Variants in DDR2 observed in about 807,000 individuals in gnomAD.
DDR2 encodes the protein discoidin domain receptor tyrosine kinase 2.
In DDR2, 27 loss-of-function variants were observed where a neutral mutation model predicts 94.9. The observed-to-expected ratio is 0.28, with a 90% CI of 0.21 to 0.39. DDR2 has a LOEUF of 0.39. Ranked by LOEUF, DDR2 falls within the 10% of genes least tolerant of loss-of-function variation. The pLI is 1.00. For synonymous variants in DDR2, 382 were observed against 377.2 expected, an observed-to-expected ratio of 1.01 and a Z score of -0.15; for missense variants, 783 against 1,076.0, an observed-to-expected ratio of 0.73 and a Z score of 3.81.
At position 162,786,476 on chromosome 1, in the gene DDR2, G is replaced by A. The variant is rs1011032997; in HGVS notation, c.*6230G>A. ...ATTTCTCTGTATTAGAAAAAGAAAC[G>A]TGATACCAATTGTATATTTTCTTTT... On this transcript the variant is annotated 3_prime_UTR_variant, in exon 18 of 18. Coordinates refer to ENST00000367921, the MANE Select transcript of DDR2 (RefSeq NM_006182.4). The A allele has an allele frequency of 1.1e-4, 16 of 152,208 alleles. No individual in the cohort carries two copies. The highest frequency in any genetic ancestry group is 1.5e-4 in the Non-Finnish European group (10 of 68,038). 9.4% of individuals were successfully genotyped at this position (152,208 alleles called of 1,614,324 possible). A position where few individuals can be genotyped will look rare whatever the true frequency, so the allele number is the denominator to read the frequency against.
chr1:162,650,267 C>A (rs1459616192), intron 1 of DDR2, among the ~76,000 whole-genome samples: 3 of 137,872 alleles, frequency 2.2e-5, no homozygotes, highest in African/African-American at 8.1e-5. Flanking sequence ...TCTCCCCTTA[C>A]AAACCAATTC....
intron 1 of DDR2, among the ~76,000 whole-genome samples, chr1:162,633,273 G>C (rs1054733499): frequency 1.3e-5 from 2 of 152,120 alleles, no homozygotes; most frequent in African/African-American, 2.4e-5. Flanking sequence ...GGAATGACTG[G>C]GGCTGTTTTC....
intron 2 of DDR2, among the ~76,000 whole-genome samples, chr1:162,679,921 G>A (rs1292805304): frequency 1.3e-5 from 2 of 152,046 alleles, no homozygotes; most frequent in East Asian, 1.9e-4. Flanking sequence ...CCTGTTGGCC[G>A]CATGTACGTC....
chr1:162,701,142 C>T (rs4575061), intron 2 of DDR2, among the ~76,000 whole-genome samples: 6,184 of 151,556 alleles, frequency 0.041, 163 homozygotes, highest in South Asian at 0.073. Context: ...TATAGCTGAC[C>T]GTAGTAGATA....
At chr1:162,725,571 G>T (rs1661622123) in intron 3 of DDR2, among the ~76,000 whole-genome samples, 1 of 151,984 alleles carries the variant, frequency 6.6e-6, no homozygotes, top group Non-Finnish European at 1.5e-5. Flanking sequence ...TAGAGAAGGG[G>T]TTTTGCCATG....
At chr1:162,741,713 G>T in intron 3 of DDR2, 1 of 985,364 alleles carries the variant, frequency 1.0e-6, no homozygotes. Context: ...GTCACAAAGG[G>T]TAAGTGAAGT....
At position 162,732,711 on chromosome 1, in the gene DDR2, C is replaced by G. The variant is rs140963562; in HGVS notation, c.82+13566C>G. Among the ~76,000 whole-genome samples, 46 of 152,384 alleles carry G rather than the reference C, an allele frequency of 3.0e-4. No individual in the cohort carries two copies. The East Asian group carries it at 8.7e-3, about 29-fold the overall frequency. On this transcript the variant is annotated intron_variant, in intron 3 of 17. Coordinates refer to ENST00000367921, the MANE Select transcript of DDR2 (RefSeq NM_006182.4). ...GCCCAGAGAGGCCCAGGTGTCAGGT[C>G]TCTGCACCTCAGGCCTCATGTGGGC... is the stretch of plus-strand genomic sequence containing the variant.
chr1:162,711,662 T>C (rs974500866), intron 2 of DDR2, among the ~76,000 whole-genome samples: 1 of 152,224 alleles, frequency 6.6e-6, no homozygotes, highest in Non-Finnish European at 1.5e-5. Context: ...TTCCATATTA[T>C]CACTGGGGTG....
chr1:162,721,309 A>AT (rs902278998), intron 3 of DDR2, among the ~76,000 whole-genome samples: 2 of 151,746 alleles, frequency 1.3e-5, no homozygotes, highest in African/African-American at 4.8e-5. Context: ...AGTCATCTTA[A>AT]TTTTTTTTTC....
rs1647718253 is a variant in DDR2 at position 162,778,583 on chromosome 1, A to G, written c.2287A>G (p.Lys763Glu). 6.2e-7 allele frequency: 1 copy of G among 1,613,872 alleles called. No homozygotes were observed. The highest frequency in any genetic ancestry group is 8.5e-7 in the Non-Finnish European group (1 of 1,179,886). The change falls in exon 17 of 18, where the codon AAG becomes GAG. Residue 763 changes from lysine to glutamate, a missense_variant. Transcript: ENST00000367921. Reference sequence around the variant, plus strand: ...ATTCTTTTCTTTACTTAAATAGGGCAAGTTCACTACAGCAAGTGATGTGTG... The same window carrying G: ...ATTCTTTTCTTTACTTAAATAGGGCGAGTTCACTACAGCAAGTGATGTGTG... ...WMSWESILLG[K>E]FTTASDVWAF...
chr1:162,765,995 T>C lies in DDR2; in HGVS notation c.1100-6T>C, dbSNP rs375491890. On this transcript the variant is annotated splice_region_variant and splice_polypyrimidine_tract_variant and intron_variant, in intron 9 of 17. Transcript: ENST00000367921. ...CTGGCTCTGACTCACCCTTGTTTTA[T>C]AACAGATGCTGCAATGTACAACAAC... 2.2e-5 allele frequency: 36 copies of C among 1,613,926 alleles called. 1 individual carries two copies. In the South Asian group the frequency reaches 3.4e-4, roughly 15 times the overall value.
At chr1:162,692,380 A>T (rs754057985) in intron 2 of DDR2, among the ~76,000 whole-genome samples, 3 of 152,256 alleles carry the variant, frequency 2.0e-5, no homozygotes, top group Non-Finnish European at 4.4e-5. Flanking sequence ...AGGAAAAGGC[A>T]AACAATGGAG....
intron 1 of DDR2, among the ~76,000 whole-genome samples, chr1:162,648,056 C>T (rs1469271514): frequency 6.5e-5 from 2 of 30,774 alleles, no homozygotes; most frequent in African/African-American, 1.3e-4. Flanking sequence ...GAGGTTTTTT[C>T]CTTTTTTTTT....
intron 2 of DDR2, among the ~76,000 whole-genome samples, chr1:162,676,711 A>T (rs1659144090): frequency 6.6e-6 from 1 of 152,226 alleles, no homozygotes; most frequent in Non-Finnish European, 1.5e-5. Flanking sequence ...TTTTATGTGC[A>T]ATGTTTTTAA....
intron 7 of DDR2, among the ~76,000 whole-genome samples, chr1:162,757,065 C>G (rs1663497098): frequency 6.6e-6 from 1 of 152,068 alleles, no homozygotes; most frequent in African/African-American, 2.4e-5. Context: ...AGTATATGAG[C>G]AAGAGATAGC....
chr1:162,759,830 G>A lies in DDR2; in HGVS notation c.706G>A (p.Val236Met), dbSNP rs200262214. 4.6e-5 allele frequency: 74 copies of A among 1,614,160 alleles called. No individual in the cohort carries two copies. The highest frequency in any genetic ancestry group is 6.7e-5 in the Admixed American group (4 of 60,016). ...TEGLGQLTDG[V>M]SGLDDFTQTH... Reference sequence around the variant, plus strand: ...AGGGCTAGGCCAATTGACCGATGGTGTGTCTGGCCTGGACGATTTCACCCA... The same window carrying A: ...AGGGCTAGGCCAATTGACCGATGGTATGTCTGGCCTGGACGATTTCACCCA... The change falls in exon 8 of 18, where the codon GTG becomes ATG. Residue 236 changes from valine to methionine, a missense_variant. Val to Met is a conservative substitution (Grantham distance 21). This residue lies in a region of DDR2 where 519 missense variants were observed against 647.9 expected (regional missense o/e 0.80). Coordinates refer to ENST00000367921, the MANE Select transcript of DDR2 (RefSeq NM_006182.4).
In DDR2 at chr1:162,653,726, T is replaced by C. The variant is rs76229902; in HGVS notation, c.-191-1485T>C. On this transcript the variant is annotated intron_variant, in intron 1 of 17. Transcript: ENST00000367921. ...CCTATAAACGTTGGCTCAGAGATTG[T>C]TAATGTAAGTTTTTCTGGAGCAGTG... 3.4e-3 allele frequency among the ~76,000 whole-genome samples: 517 copies of C among 152,266 alleles called. 8 individuals are homozygous for C. In the East Asian group the frequency reaches 0.043, roughly 13 times the overall value.
At chr1:162,694,508 G>A (rs1660098242) in intron 2 of DDR2, among the ~76,000 whole-genome samples, 2 of 152,152 alleles carry the variant, frequency 1.3e-5, no homozygotes, top group South Asian at 4.2e-4. Flanking sequence ...AGTCTGGGAA[G>A]CTGTTCCTGT....
At chr1:162,719,195 A>G in intron 3 of DDR2, 50 bp downstream of exon 3, 1 of 1,612,860 alleles carries the variant, frequency 6.2e-7, no homozygotes, top group Non-Finnish European at 8.5e-7. Flanking sequence ...CAGAATGTTT[A>G]AACCCATCAA....
Sources: gnomAD v4.1 joint callset for allele counts (sites outside exome capture counted in the v4.1 genomes callset) on GRCh38, gnomAD v4.1.1 for gene constraint, gnomAD v4.1.1 regional missense constraint, MANE v1.5 for transcripts, NCBI Gene and HGNC (gene_info 2026-07-23, HGNC 2026-07-21) for gene names.